Variants in EHBP1 observed in about 807,000 individuals in gnomAD.
The protein encoded by EHBP1 is EH domain-binding protein 1.
EHBP1 carries 55 observed loss-of-function variants against 144.0 expected under a neutral mutation model. The observed-to-expected ratio is 0.38, with a 90% confidence interval of 0.31 to 0.48. The LOEUF is 0.48. EHBP1 is among the 20% of genes least tolerant of loss of function. EHBP1 has a pLI of 0.98. For missense variants in EHBP1, 1,200 were observed against 1,364.2 expected (o/e 0.88, Z 1.90); for synonymous variants, 469 against 472.7 (o/e 0.99, Z 0.10).
intron 2 of EHBP1, among the ~76,000 whole-genome samples, chr2:62,744,928 T>TA (rs1374740070): frequency 1.3e-5 from 2 of 152,054 alleles, no homozygotes; most frequent in East Asian, 3.9e-4. Flanking sequence ...CTGTGAAATT[T>TA]AAAAAACTGC....
chr2:62,853,514 A>C (rs1328813280), intron 7 of EHBP1, among the ~76,000 whole-genome samples: 1 of 152,200 alleles, frequency 6.6e-6, no homozygotes, highest in Non-Finnish European at 1.5e-5. Context: ...TCTCAGAGTC[A>C]ACCATGAAGA....
chr2:62,738,979 C>G (rs917879610), intron 2 of EHBP1, among the ~76,000 whole-genome samples: 3 of 152,104 alleles, frequency 2.0e-5, no homozygotes, highest in African/African-American at 7.2e-5. Flanking sequence ...AAGAGGGAGA[C>G]TGTACAAAGC....
intron 2 of EHBP1, among the ~76,000 whole-genome samples, chr2:62,744,729 T>C (rs967452579): frequency 1.3e-5 from 2 of 152,076 alleles, no homozygotes; most frequent in Non-Finnish European, 2.9e-5. Flanking sequence ...CTAAAAAGCT[T>C]TCATTTTCTG....
chr2:62,781,157 A>C (rs1479442970), intron 5 of EHBP1, among the ~76,000 whole-genome samples: 4 of 152,076 alleles, frequency 2.6e-5, no homozygotes, highest in African/African-American at 7.2e-5. Flanking sequence ...GATTAAGTTT[A>C]GGATGTTTTA....
At chr2:62,718,683 A>G (rs1039455386) in intron 2 of EHBP1, among the ~76,000 whole-genome samples, 4 of 152,216 alleles carry the variant, frequency 2.6e-5, no homozygotes, top group Admixed American at 2.6e-4. Context: ...ATTCTTTCTT[A>G]AGAATCCATC....
At chr2:62,962,961 C>A (rs1230704976) in intron 14 of EHBP1, among the ~76,000 whole-genome samples, 1 of 152,156 alleles carries the variant, frequency 6.6e-6, no homozygotes, top group African/African-American at 2.4e-5. Flanking sequence ...GGTTTAGGAG[C>A]CTTTTCTCAC....
chr2:62,963,860 AC>A (rs1226478309), intron 14 of EHBP1, among the ~76,000 whole-genome samples: 1 of 152,182 alleles, frequency 6.6e-6, no homozygotes, highest in Admixed American at 6.5e-5. Flanking sequence ...ATACATCCTT[AC>A]TTTTTACTTC....
rs536944524 is a variant in EHBP1 at position 62,753,407 on chromosome 2, C to T, written c.162+5955C>T. The stretch of plus-strand genomic sequence containing the variant: ...GATGGGCTTCCCTTTGTGGGTAACC[C>T]GACCTTTCTCTGTGGCTGCCCTTAA... On this transcript the variant is annotated intron_variant, in intron 3 of 22. Coordinates refer to ENST00000431489, the MANE Select transcript of EHBP1 (RefSeq NM_001142616.3). 9.9e-5 allele frequency among the ~76,000 whole-genome samples: 15 copies of T among 152,188 alleles called. 1 individual carries two copies. In the East Asian group the frequency reaches 2.5e-3, roughly 25 times the overall value.
intron 10 of EHBP1, among the ~76,000 whole-genome samples, chr2:62,926,304 C>T (rs1037374886): frequency 1.3e-5 from 2 of 152,030 alleles, no homozygotes; most frequent in African/African-American, 4.8e-5. Context: ...AGACCTCAAA[C>T]GCATAGGCAG....
Position 62,989,259 on chromosome 2 carries a change from A to C in EHBP1, c.2609-1457A>C, listed in dbSNP as rs79861786. Among the ~76,000 whole-genome samples the C allele has an allele frequency of 6.1e-4, 93 of 152,228 alleles. No homozygotes were observed. In the East Asian group the frequency reaches 0.017, roughly 27 times the overall value. ...ACCTTCCCACCATAACCACCACCAA[A>C]GGCTTTATCGGAAACCAATCACATC... is the stretch of plus-strand genomic sequence containing the variant. On this transcript the variant is annotated intron_variant, in intron 15 of 22. Transcript: ENST00000431489.
intron 5 of EHBP1, among the ~76,000 whole-genome samples, chr2:62,800,862 A>C (rs1246979235): frequency 1.3e-5 from 2 of 152,156 alleles, no homozygotes; most frequent in African/African-American, 4.8e-5. Context: ...CCCTTCATGA[A>C]AGGCTTAGTA....
chr2:62,882,519 T>C (rs986737867), intron 10 of EHBP1, among the ~76,000 whole-genome samples: 22 of 152,226 alleles, frequency 1.4e-4, no homozygotes, highest in African/African-American at 4.3e-4. Flanking sequence ...CATTGCCTAC[T>C]TCCTATACCA....
At chr2:62,691,190 T>C (rs1572871566) in intron 1 of EHBP1, among the ~76,000 whole-genome samples, 1 of 152,330 alleles carries the variant, frequency 6.6e-6, no homozygotes, top group East Asian at 1.9e-4. Flanking sequence ...CCCACCAAAA[T>C]AACTTTGTCT....
intron 19 of EHBP1, among the ~76,000 whole-genome samples, chr2:63,031,131 A>G (rs1362936977): frequency 6.6e-6 from 1 of 152,090 alleles, no homozygotes; most frequent in African/African-American, 2.4e-5. Context: ...ATTTTATTCA[A>G]CTATTCATGT....
At chr2:62,695,919 C>T (rs903574266) in intron 1 of EHBP1, among the ~76,000 whole-genome samples, 1 of 151,882 alleles carries the variant, frequency 6.6e-6, no homozygotes, top group African/African-American at 2.4e-5. Context: ...TGACACGTTG[C>T]TCAGGCTGGT....
intron 3 of EHBP1, among the ~76,000 whole-genome samples, chr2:62,752,497 G>A (rs935575091): frequency 2.0e-5 from 3 of 152,144 alleles, no homozygotes; most frequent in Admixed American, 6.5e-5. Context: ...TATTAGGTCT[G>A]CTTGGTGCAG....
At chr2:62,953,780 CTG>C (rs1320525937) in intron 13 of EHBP1, among the ~76,000 whole-genome samples, 1 of 150,900 alleles carries the variant, frequency 6.6e-6, no homozygotes, top group African/African-American at 2.4e-5. Flanking sequence ...TAAAAAAAAA[CTG>C]TGTTTATGTG....
At chr2:62,840,244 A>T (rs1489367202) in intron 7 of EHBP1, among the ~76,000 whole-genome samples, 9 of 150,528 alleles carry the variant, frequency 6.0e-5, no homozygotes, top group South Asian at 4.2e-4. Flanking sequence ...GGGGAAAGGA[A>T]TCCCTATTTA....
intron 14 of EHBP1, among the ~76,000 whole-genome samples, chr2:62,959,773 C>A (rs1268782093): frequency 6.6e-6 from 1 of 152,052 alleles, no homozygotes; most frequent in Non-Finnish European, 1.5e-5. Flanking sequence ...TATAGGAGTT[C>A]TTATTTATTA....
Sources: gnomAD v4.1 joint callset for allele counts (sites outside exome capture counted in the v4.1 genomes callset) on GRCh38, gnomAD v4.1.1 for gene constraint, MANE v1.5 for transcripts, NCBI Gene and HGNC (gene_info 2026-07-23, HGNC 2026-07-21) for gene names.